The following ATE1 variants were observed in gnomAD, a reference collection of about 807,000 sequenced individuals.
ATE1 encodes arginyltransferase 1.
In ATE1, 36 loss-of-function variants were observed where a neutral mutation model predicts 70.5. The ratio of observed to expected loss-of-function variants is 0.51; its 90% CI spans 0.39 to 0.67. The LOEUF (loss-of-function observed/expected upper bound fraction) is 0.67. Among genes scored for constraint, ATE1 ranks in the 30% least tolerant of loss-of-function variants. The pLI, the probability that ATE1 is intolerant of heterozygous loss-of-function variation, is 0.00. For missense variants in ATE1, 593 were observed against 629.5 expected (o/e 0.94, Z 0.62); for synonymous variants, 232 against 219.3 (o/e 1.06, Z -0.51).
chr10:121,898,015 C>T (rs1398570174), intron 7 of ATE1, among the ~76,000 whole-genome samples: 1 of 151,992 alleles, frequency 6.6e-6, no homozygotes, highest in East Asian at 1.9e-4. Context: ...TTAGCTTACA[C>T]ATCGTGTCAT....
Position 121,770,089 on chromosome 10 carries a change from A to G in ATE1, c.1378+20080T>C, listed in dbSNP as rs560628314. Among the ~76,000 whole-genome samples the G allele has an allele frequency of 3.9e-5, 6 of 152,334 alleles. No individual in the cohort carries two copies. In the East Asian group the frequency reaches 1.2e-3, roughly 29 times the overall value. ...ATTTTGGTAACAGTCCTAAACTGAA[A>G]AACAACTGAGATGTCCTTCAACAGG... On this transcript the variant is annotated intron_variant, in intron 11 of 11. Coordinates refer to ENST00000224652, the MANE Select transcript of ATE1 (RefSeq NM_001001976.3).
At position 121,836,783 on chromosome 10, in the gene ATE1, T is replaced by G. The variant is rs754978557; in HGVS notation, c.1192A>C (p.Thr398Pro). Reference protein sequence around the residue: ...IAFTRQLHEKTSQLSYYYMGF... With the variant: ...IAFTRQLHEKPSQLSYYYMGF... ...ATATAATAATAGCTGAGTTGAGAAG[T>G]TTTCTCATGAAGCTGCCTAGTAAAA... The change falls in exon 10 of 12, where the codon ACT becomes CCT. Residue 398 changes from threonine (T) to proline (P), a missense_variant. By Grantham distance (38) the Thr-to-Pro change is conservative. Around this residue, in one of 3 missense-constraint regions of ATE1, gnomAD observed 36 missense variants for 66.3 expected, o/e 0.54. Coordinates refer to ENST00000224652, the MANE Select transcript of ATE1 (RefSeq NM_001001976.3). The G allele has an allele frequency of 6.2e-7, 1 of 1,603,774 alleles. No homozygotes were observed. The highest frequency in any genetic ancestry group is 8.5e-7 in the Non-Finnish European group (1 of 1,176,496).
chr10:121,835,277 G>A (rs1948391452), intron 10 of ATE1, among the ~76,000 whole-genome samples: 1 of 152,060 alleles, frequency 6.6e-6, no homozygotes, highest in African/African-American at 2.4e-5. Context: ...CAGCTTACCT[G>A]GACTGTCAAT....
intron 10 of ATE1, among the ~76,000 whole-genome samples, chr10:121,819,244 G>T (rs527561299): frequency 8.9e-4 from 136 of 152,070 alleles, no homozygotes; most frequent in Non-Finnish European, 1.7e-3. Flanking sequence ...TACTCCTTGT[G>T]GGTTTCTGAT....
intron 8 of ATE1, among the ~76,000 whole-genome samples, chr10:121,864,217 C>T (rs969310062): frequency 2.0e-5 from 3 of 152,200 alleles, no homozygotes; most frequent in South Asian, 2.1e-4. Flanking sequence ...AATTTTTCTA[C>T]AGACAAGGGT....
chr10:121,818,754 CAAGAG>C (rs907273269), intron 10 of ATE1, among the ~76,000 whole-genome samples: 2 of 152,164 alleles, frequency 1.3e-5, no homozygotes, highest in African/African-American at 4.8e-5. Flanking sequence ...ACTTGTTTAA[CAAGAG>C]AAGACTCCTG....
intron 11 of ATE1, among the ~76,000 whole-genome samples, chr10:121,779,617 A>G (rs1163585984): frequency 1.2e-5 from 1 of 84,782 alleles, no homozygotes; most frequent in Non-Finnish European, 2.5e-5. Context: ...ATGTGTTTTC[A>G]TCTTTCTTGT....
chr10:121,842,295 C>G (rs1480638422), intron 8 of ATE1, among the ~76,000 whole-genome samples: 5 of 152,138 alleles, frequency 3.3e-5, no homozygotes, highest in South Asian at 2.1e-4. Context: ...TTAAATATAA[C>G]TGATCTTAAA....
chr10:121,787,766 G>C (rs1946273171), intron 11 of ATE1, among the ~76,000 whole-genome samples: 1 of 151,954 alleles, frequency 6.6e-6, no homozygotes, highest in African/African-American at 2.4e-5. Context: ...AATCTTTTTT[G>C]CCATGTTTGT....
chr10:121,918,684 GAA>G (rs911076376), intron 3 of ATE1, among the ~76,000 whole-genome samples: 1 of 151,832 alleles, frequency 6.6e-6, no homozygotes, highest in Non-Finnish European at 1.5e-5. Context: ...CACGAAAACT[GAA>G]AGAGGACAGC....
At chr10:121,877,291 A>T (rs1950085458) in intron 7 of ATE1, among the ~76,000 whole-genome samples, 1 of 152,206 alleles carries the variant, frequency 6.6e-6, no homozygotes, top group African/African-American at 2.4e-5. Context: ...GTTTAAGAGA[A>T]AAAAACACCT....
chr10:121,750,446 G>A (rs1047840392), intron 11 of ATE1, among the ~76,000 whole-genome samples: 2 of 152,174 alleles, frequency 1.3e-5, no homozygotes, highest in Non-Finnish European at 2.9e-5. Flanking sequence ...CTTCTGAGAT[G>A]AGCATTTGAT....
intron 10 of ATE1, among the ~76,000 whole-genome samples, chr10:121,827,600 TACCA>T (rs1948077275): frequency 6.6e-6 from 1 of 152,202 alleles, no homozygotes. Flanking sequence ...ACTAAAACAG[TACCA>T]AGTCTCATTA....
intron 8 of ATE1, among the ~76,000 whole-genome samples, chr10:121,865,668 G>C (rs1839843170): frequency 6.6e-6 from 1 of 152,128 alleles, no homozygotes; most frequent in Non-Finnish European, 1.5e-5. Flanking sequence ...GGGATCTAAT[G>C]GAAATATGTT....
chr10:121,824,572 T>C (rs1344033125), intron 10 of ATE1, among the ~76,000 whole-genome samples: 1 of 152,238 alleles, frequency 6.6e-6, no homozygotes, highest in Non-Finnish European at 1.5e-5. Flanking sequence ...ATAAGCATAA[T>C]TAATCACAGA....
intron 7 of ATE1, among the ~76,000 whole-genome samples, chr10:121,875,506 T>C (rs1310228326): frequency 6.6e-6 from 1 of 151,966 alleles, no homozygotes; most frequent in East Asian, 2.0e-4. Context: ...GGTTTCACCA[T>C]GTTGGCTAGG....
intron 11 of ATE1, among the ~76,000 whole-genome samples, chr10:121,762,863 T>C (rs1395291755): frequency 6.6e-6 from 1 of 152,234 alleles, no homozygotes; most frequent in East Asian, 1.9e-4. Context: ...TGGTCATACT[T>C]TTGTGACCAG....
chr10:121,804,907 C>A (rs574084463), intron 10 of ATE1, among the ~76,000 whole-genome samples: 1 of 152,240 alleles, frequency 6.6e-6, no homozygotes, highest in East Asian at 1.9e-4. Context: ...TTACTAACTT[C>A]TTTTTATCTT....
At chr10:121,759,895 T>C (rs1944968874) in intron 11 of ATE1, among the ~76,000 whole-genome samples, 1 of 152,174 alleles carries the variant, frequency 6.6e-6, no homozygotes, top group African/African-American at 2.4e-5. Context: ...ATCTAGGATT[T>C]TCACAGCAGG....
Sources: allele counts gnomAD v4.1 joint callset (sites outside exome capture counted in the v4.1 genomes callset), GRCh38; gene constraint gnomAD v4.1.1; regional missense constraint gnomAD v4.1.1; transcripts MANE v1.5; gene names NCBI Gene and HGNC (gene_info 2026-07-23, HGNC 2026-07-21).